ZNF407: variants seen among roughly 807,000 people sequenced by gnomAD.
ZNF407 encodes the protein zinc finger protein 407.
A neutral mutation model predicts 131.2 loss-of-function variants in ZNF407; 17 were observed. That is an observed-to-expected ratio of 0.13 (90% confidence interval 0.09 to 0.19). The LOEUF (loss-of-function observed/expected upper bound fraction) is 0.19. Among genes scored for constraint, ZNF407 ranks in the 10% least tolerant of loss-of-function variants. The pLI is 1.00. For missense variants in ZNF407, 2,681 were observed against 2,830.6 expected (o/e 0.95, Z 1.20); for synonymous variants, 1,156 against 1,062.0 (o/e 1.09, Z -1.72).
intron 3 of ZNF407, among the ~76,000 whole-genome samples, chr18:74,666,755 T>C (rs1335312794): frequency 6.6e-6 from 1 of 152,178 alleles, no homozygotes; most frequent in Non-Finnish European, 1.5e-5. Context: ...GTCTCGGCAT[T>C]GAGGCTCAGG....
chr18:74,898,754 T>C (rs139765624), intron 7 of ZNF407, among the ~76,000 whole-genome samples: 1 of 152,344 alleles, frequency 6.6e-6, no homozygotes, highest in East Asian at 1.9e-4. Flanking sequence ...TTTCTTCATC[T>C]TAAATTACAA....
rs1971277643 is a variant in ZNF407 at position 74,884,243 on chromosome 18, C to T, written c.5128+3124C>T. 2.0e-5 allele frequency among the ~76,000 whole-genome samples: 3 copies of T among 152,156 alleles called. 1 individual carries two copies. In the South Asian group the frequency reaches 6.2e-4, roughly 32 times the overall value. ...CTTTCCAACTTTACAGTCTAGAAGTCAGGTCTATATTTTTGTCTGCATATT... is the reference window on the plus strand; with the variant it reads ...CTTTCCAACTTTACAGTCTAGAAGTTAGGTCTATATTTTTGTCTGCATATT... On this transcript the variant is annotated intron_variant, in intron 6 of 8. Coordinates refer to ENST00000299687, the MANE Select transcript of ZNF407 (RefSeq NM_017757.3).
At chr18:74,671,749 G>A (rs761761825) in intron 3 of ZNF407, among the ~76,000 whole-genome samples, 1 of 152,146 alleles carries the variant, frequency 6.6e-6, no homozygotes, top group Non-Finnish European at 1.5e-5. Context: ...TTTGTGTGCT[G>A]TGAGGAAGCA....
chr18:74,839,866 T>C (rs928336644), intron 4 of ZNF407, among the ~76,000 whole-genome samples: 1 of 152,162 alleles, frequency 6.6e-6, no homozygotes, highest in Non-Finnish European at 1.5e-5. Flanking sequence ...GATATTTACT[T>C]ATGGATACCA....
chr18:74,648,753 T>C (rs1985089325), intron 3 of ZNF407, among the ~76,000 whole-genome samples: 1 of 152,242 alleles, frequency 6.6e-6, no homozygotes, highest in South Asian at 2.1e-4. Context: ...GTGCTACCTA[T>C]GTCCACATGT....
Position 74,635,466 on chromosome 18 carries a change from G to A in ZNF407, c.4447G>A (p.Gly1483Arg). 6.2e-7 allele frequency: 1 copy of A among 1,613,086 alleles called. No individual in the cohort carries two copies. Among genetic ancestry groups the A allele is most frequent in the Non-Finnish European group, 8.5e-7 (1 of 1,179,414 alleles). ...QASVEELPEG[G>R]ATFKCVKCTE... ...CAGTGTGGAGGAGCTTCCGGAGGGA[G>A]GGGCCACCTTTAAATGTGTCAAGTG... is the stretch of plus-strand genomic sequence containing the variant. The change falls in exon 2 of 9, where the codon GGG becomes AGG. Residue 1483 changes from glycine (G) to arginine (R), a missense_variant. Gly to Arg is a moderately radical substitution (Grantham distance 125, BLOSUM62 -2). Transcript: ENST00000299687. This position sits in a 1 kb window ranked among gnomAD's most constrained non-coding sequence, Gnocchi z 4.7.
chr18:74,799,738 A>G (rs1863415), intron 4 of ZNF407, among the ~76,000 whole-genome samples: 146,001 of 152,044 alleles, frequency 0.96, 70,376 homozygotes, highest in East Asian at 1. Context: ...TGATTTGCAC[A>G]CATATGCATA....
intron 6 of ZNF407, among the ~76,000 whole-genome samples, chr18:74,882,173 T>A (rs1450624505): frequency 6.6e-6 from 1 of 152,244 alleles, no homozygotes; most frequent in Non-Finnish European, 1.5e-5. Context: ...GTTAAACATT[T>A]ATCAAATTGT....
intron 3 of ZNF407, among the ~76,000 whole-genome samples, chr18:74,772,248 G>A (rs191232149): frequency 1.4e-3 from 215 of 152,210 alleles, no homozygotes; most frequent in African/African-American, 5.0e-3. Flanking sequence ...TAAAACTGTT[G>A]TATAAACTAT....
intron 3 of ZNF407, among the ~76,000 whole-genome samples, chr18:74,759,948 G>GTCTCTC (rs10662564): frequency 6.6e-4 from 95 of 142,972 alleles, no homozygotes; most frequent in African/African-American, 2.2e-3. Context: ...TACTTTACAT[G>GTCTCTC]TCTCTCTCTC....
intron 8 of ZNF407, among the ~76,000 whole-genome samples, chr18:74,973,639 C>T (rs1972497118): frequency 6.6e-6 from 1 of 152,004 alleles, no homozygotes; most frequent in Admixed American, 6.6e-5. Flanking sequence ...CTGCACAGGC[C>T]GCCATAACAA....
At chr18:74,802,327 A>G (rs1970033939) in intron 4 of ZNF407, among the ~76,000 whole-genome samples, 1 of 152,192 alleles carries the variant, frequency 6.6e-6, no homozygotes, top group Non-Finnish European at 1.5e-5. Flanking sequence ...TAGGCATAGT[A>G]CATTTTTACT....
intron 3 of ZNF407, among the ~76,000 whole-genome samples, chr18:74,641,518 T>C (rs1254743938): frequency 6.6e-6 from 1 of 152,214 alleles, no homozygotes; most frequent in African/African-American, 2.4e-5. Context: ...GTAGTAGCTC[T>C]TTGGATCCAT....
chr18:74,668,465 C>G (rs1406745894), intron 3 of ZNF407, among the ~76,000 whole-genome samples: 1 of 152,182 alleles, frequency 6.6e-6, no homozygotes, highest in Non-Finnish European at 1.5e-5. Context: ...ATCACAGTTA[C>G]GTCTCCACAG....
chr18:75,049,577 G>A (rs1291120619), intron 8 of ZNF407, among the ~76,000 whole-genome samples: 1 of 152,062 alleles, frequency 6.6e-6, no homozygotes, highest in East Asian at 1.9e-4. Context: ...TTTAATAGGA[G>A]TCTCAATGCT....
chr18:74,900,146 A>G lies in ZNF407; in HGVS notation c.5249+10108A>G, dbSNP rs550512418. Among the ~76,000 whole-genome samples the G allele has an allele frequency of 2.5e-4, 38 of 152,332 alleles. 1 individual carries two copies. Among genetic ancestry groups the G allele is most frequent in the African/African-American group, 8.9e-4 (37 of 41,582 alleles). ...ATTCGTGATGGCTAGTACAGTGTAT[A>G]CGTGATTAGGGTTGGTGAAGCAGGG... is the stretch of plus-strand genomic sequence containing the variant. On this transcript the variant is annotated intron_variant, in intron 7 of 8. Transcript: ENST00000299687.
intron 4 of ZNF407, among the ~76,000 whole-genome samples, chr18:74,818,916 G>A (rs1473872824): frequency 2.0e-5 from 3 of 147,714 alleles, no homozygotes; most frequent in African/African-American, 7.4e-5. Flanking sequence ...ATTTTACCAT[G>A]ACTCTTGATA....
At chr18:74,707,394 A>G (rs1303547011) in intron 3 of ZNF407, among the ~76,000 whole-genome samples, 1 of 152,196 alleles carries the variant, frequency 6.6e-6, no homozygotes, top group Non-Finnish European at 1.5e-5. Context: ...TGCTTGGAAC[A>G]GAACTGTTTC....
chr18:74,756,783 T>C (rs759863045), intron 3 of ZNF407, among the ~76,000 whole-genome samples: 3 of 152,176 alleles, frequency 2.0e-5, no homozygotes, highest in African/African-American at 2.4e-5. Flanking sequence ...TTACTTGTTA[T>C]AGCTCTATAC....
Sources: gnomAD v4.1 joint callset for allele counts (sites outside exome capture counted in the v4.1 genomes callset) on GRCh38, gnomAD v4.1.1 for gene constraint, Gnocchi (gnomAD v3.1) non-coding constraint, MANE v1.5 for transcripts, NCBI Gene and HGNC (gene_info 2026-07-23, HGNC 2026-07-21) for gene names.